The following SFT2D1 variants were observed in gnomAD, a reference collection of about 807,000 sequenced individuals.
SFT2D1 encodes vesicle transport protein SFT2A.
A neutral mutation model predicts 28.1 loss-of-function variants in SFT2D1; 24 were observed. The ratio of observed to expected loss-of-function variants is 0.85; its 90% CI spans 0.62 to 1.20. The LOEUF is 1.20. SFT2D1 is among the 50% of genes most tolerant of loss of function. The pLI, the probability that SFT2D1 is intolerant of heterozygous loss-of-function variation, is 0.00. For missense variants in SFT2D1, 181 were observed against 190.9 expected (o/e 0.95, Z 0.31); for synonymous variants, 82 against 73.7 (o/e 1.11, Z -0.58).
At chr6:166,341,010 T>C (rs142019508) in intron 1 of SFT2D1, among the ~76,000 whole-genome samples, 1 of 152,228 alleles carries the variant, frequency 6.6e-6, no homozygotes, top group Non-Finnish European at 1.5e-5. Flanking sequence ...CACTGTCCAA[T>C]AGAACTTTCT....
At chr6:166,335,865 G>A (rs929349117) in intron 1 of SFT2D1, among the ~76,000 whole-genome samples, 2 of 152,230 alleles carry the variant, frequency 1.3e-5, no homozygotes, top group African/African-American at 4.8e-5. Flanking sequence ...TGGTGGCAGA[G>A]CCCAGCTGCT....
intron 7 of SFT2D1, among the ~76,000 whole-genome samples, chr6:166,320,966 G>A (rs1411498632): frequency 2.0e-5 from 3 of 152,302 alleles, no homozygotes; most frequent in East Asian, 1.9e-4. Flanking sequence ...TTAGCTGGGC[G>A]TGGCAGCGGC....
At position 166,330,262 on chromosome 6, in the gene SFT2D1, G is replaced by T. The variant is rs756266337; in HGVS notation, c.64-15C>A. 2 of 1,553,532 alleles carry T rather than the reference G, an allele frequency of 1.3e-6. No homozygotes were observed. Among genetic ancestry groups the T allele is most frequent in the East Asian group, 2.3e-5 (1 of 44,190 alleles). ...GCATCCAGGACCTTAATAAAAAATG[G>T]GAAAATTTAGAATATAGTCTTAATT... is the stretch of plus-strand genomic sequence containing the variant. On this transcript the variant is annotated splice_polypyrimidine_tract_variant and intron_variant, in intron 1 of 7. Transcript: ENST00000361731.
chr6:166,330,981 A>G (rs777301413), intron 1 of SFT2D1, among the ~76,000 whole-genome samples: 1 of 152,236 alleles, frequency 6.6e-6, no homozygotes, highest in Non-Finnish European at 1.5e-5. Context: ...CCACCACTGT[A>G]AAAACATACT....
chr6:166,322,362 G>A lies in SFT2D1; in HGVS notation c.440+495C>T, dbSNP rs568931009. The stretch of plus-strand genomic sequence containing the variant: ...CATGTCGCCAAAATGTTTCCATACA[G>A]ACATTATCATGGCAAGCTGCTATTC... On this transcript the variant is annotated intron_variant, in intron 7 of 7. Transcript: ENST00000361731. 2.0e-5 allele frequency among the ~76,000 whole-genome samples: 3 copies of A among 152,186 alleles called. No homozygotes were observed. In the South Asian group the frequency reaches 6.2e-4, roughly 32 times the overall value.
At chr6:166,328,469 C>A in intron 3 of SFT2D1, 112 bp from the exon 4 acceptor site, 9 of 596,040 alleles carry the variant, frequency 1.5e-5, no homozygotes, top group Non-Finnish European at 2.4e-5. Context: ...TAATTAAAAT[C>A]TCTCACTAAA....
chr6:166,322,230 T>G (rs1323185831), intron 7 of SFT2D1, among the ~76,000 whole-genome samples: 2 of 152,106 alleles, frequency 1.3e-5, no homozygotes, highest in Non-Finnish European at 1.5e-5. Flanking sequence ...AGTCTCTGTG[T>G]CCTATTTTCT....
At chr6:166,322,712 GTATGTT>G (rs1778379421) in intron 7 of SFT2D1, 139 bp downstream of exon 7, 1 of 320,136 alleles carries the variant, frequency 3.1e-6, no homozygotes, top group Non-Finnish European at 5.4e-6. Context: ...AAAAAAAAAA[GTATGTT>G]TATTTCCTTT....
At chr6:166,342,217 G>C (rs917643065) in intron 1 of SFT2D1, among the ~76,000 whole-genome samples, 2 of 151,858 alleles carry the variant, frequency 1.3e-5, no homozygotes, top group Non-Finnish European at 2.9e-5. Context: ...GGGCCTCAAA[G>C]TGGGTTTAAG....
chr6:166,326,098 T>C, intron 5 of SFT2D1, 34 bp downstream of exon 5: 1 of 1,605,760 alleles, frequency 6.2e-7, no homozygotes, highest in Non-Finnish European at 8.5e-7. Context: ...GGGCACACAG[T>C]TAACTGAAAG....
At chr6:166,335,413 A>G in intron 1 of SFT2D1, 1 of 568,556 alleles carries the variant, frequency 1.8e-6, no homozygotes, top group Non-Finnish European at 3.4e-6. Flanking sequence ...CCATAAAGGG[A>G]GGAAACTTTG....
chr6:166,326,593 T>C (rs1356413004), intron 4 of SFT2D1, among the ~76,000 whole-genome samples: 1 of 152,212 alleles, frequency 6.6e-6, no homozygotes, highest in African/African-American at 2.4e-5. Context: ...AGTTCCTACC[T>C]ACCTGCTTTA....
At chr6:166,321,545 T>C (rs574313696) in intron 7 of SFT2D1, among the ~76,000 whole-genome samples, 1 of 152,230 alleles carries the variant, frequency 6.6e-6, no homozygotes, top group Non-Finnish European at 1.5e-5. Context: ...TGTTTTGCTT[T>C]TTCTCCTTGT....
chr6:166,333,567 T>C (rs1778590639), intron 1 of SFT2D1, among the ~76,000 whole-genome samples: 1 of 152,164 alleles, frequency 6.6e-6, no homozygotes, highest in African/African-American at 2.4e-5. Context: ...AACAGGACAT[T>C]CAAATTCCCT....
Position 166,341,674 on chromosome 6 carries a change from G to C in SFT2D1, c.63+745C>G, listed in dbSNP as rs189491427. ...ATTCAATTTTAAACGTCCAACTTCT[G>C]CGACAGCACACAATAACGTGCAATA... On this transcript the variant is annotated intron_variant, in intron 1 of 7. Transcript: ENST00000361731. Among the ~76,000 whole-genome samples the C allele has an allele frequency of 3.9e-5, 6 of 152,208 alleles. No individual in the cohort carries two copies. The East Asian group carries it at 9.6e-4, about 24-fold the overall frequency.
chr6:166,342,417 A>G lies in SFT2D1; in HGVS notation c.63+2T>C, dbSNP rs756239820. On this transcript the variant is annotated splice_donor_variant, in intron 1 of 7. Transcript: ENST00000361731. LOFTEE classifies it high-confidence loss of function. ...GACTGGACGAGGGCGCAAGTTCGCT[A>G]CCTGCGCAGTCAGGCCCTGCTCCTC... is the stretch of plus-strand genomic sequence containing the variant. 9.1e-5 allele frequency: 142 copies of G among 1,554,942 alleles called. No homozygotes were observed. Among genetic ancestry groups the G allele is most frequent in the Non-Finnish European group, 1.1e-4 (132 of 1,150,044 alleles).
At chr6:166,339,965 C>T (rs1476132612) in intron 1 of SFT2D1, among the ~76,000 whole-genome samples, 3 of 152,200 alleles carry the variant, frequency 2.0e-5, no homozygotes, top group African/African-American at 7.2e-5. Context: ...TTCACGTCCA[C>T]ACTGAAATGA....
At chr6:166,340,717 C>CTTAA (rs756185902) in intron 1 of SFT2D1, among the ~76,000 whole-genome samples, 1 of 152,162 alleles carries the variant, frequency 6.6e-6, no homozygotes, top group African/African-American at 2.4e-5. Context: ...ACATTATATA[C>CTTAA]TTGTTTATTC....
chr6:166,320,114 A>C lies in SFT2D1; in HGVS notation c.*103T>G. 1 of 1,057,522 alleles carries C rather than the reference A, an allele frequency of 9.5e-7. No homozygotes were observed. Among genetic ancestry groups the C allele is most frequent in the South Asian group, 1.4e-5 (1 of 72,052 alleles). The allele number at this position is 1,057,522 out of a possible 1,614,324, so 65.5% of individuals were successfully genotyped here. A position where few individuals can be genotyped will look rare whatever the true frequency, so the allele number is the denominator to read the frequency against. On this transcript the variant is annotated 3_prime_UTR_variant, in exon 8 of 8. Transcript: ENST00000361731. ...GAGACTTAGTACAAAACGGTCTTCAACTGTCACGTCAGTTGTTCCTGGAGT... is the reference window on the plus strand; with the variant it reads ...GAGACTTAGTACAAAACGGTCTTCACCTGTCACGTCAGTTGTTCCTGGAGT...
Sources: allele counts gnomAD v4.1 joint callset (sites outside exome capture counted in the v4.1 genomes callset), GRCh38; gene constraint gnomAD v4.1.1; transcripts MANE v1.5; gene names NCBI Gene and HGNC (gene_info 2026-07-23, HGNC 2026-07-21).